Variants in LINC00237 observed in about 807,000 individuals in gnomAD.
LINC00237 encodes long independently transcribed non-coding RNA 237, also known as long intergenic non-protein coding RNA 237.
chr20:21,100,847 C>T (rs2236176), intron 1 of LINC00237, among the ~76,000 whole-genome samples: 45,558 of 151,972 alleles, frequency 0.3, 9,615 homozygotes, highest in East Asian at 0.65. Flanking sequence ...ATGTTTCTAA[C>T]AAGGAAAACC....
intron 2 of LINC00237, among the ~76,000 whole-genome samples, chr20:21,092,383 T>A (rs1416779491): frequency 1.3e-5 from 2 of 152,034 alleles, no homozygotes; most frequent in African/African-American, 4.8e-5. Context: ...TAACTAGGAG[T>A]CATCCAAAAG....
rs530309715 is a variant in LINC00237 at position 21,087,707 on chromosome 20, A to G, written n.559+237T>C. 5 of 152,296 alleles carry G rather than the reference A, an allele frequency of 3.3e-5. No homozygotes were observed. The East Asian group carries it at 9.6e-4, about 29-fold the overall frequency. 9.4% of individuals were successfully genotyped at this position (152,296 alleles called of 1,614,324 possible). On this transcript the variant is annotated intron_variant and non_coding_transcript_variant, in intron 3 of 3. Coordinates refer to ENST00000691244, the Ensembl canonical transcript of LINC00237. ...AAGCTGAACATATTTTCATGCCTTA[A>G]TTCTTAAATTACCATTTCTTAACAT...
chr20:21,096,487 T>G (rs1433553319), intron 1 of LINC00237, among the ~76,000 whole-genome samples: 3 of 152,134 alleles, frequency 2.0e-5, no homozygotes, highest in Non-Finnish European at 4.4e-5. Context: ...GGCTGGGAAA[T>G]GTAGTTCAGC....
At chr20:21,096,883 A>G (rs2030865006) in intron 1 of LINC00237, among the ~76,000 whole-genome samples, 1 of 152,220 alleles carries the variant, frequency 6.6e-6, no homozygotes, top group African/African-American at 2.4e-5. Flanking sequence ...CCTCACTGCT[A>G]GCCCATGTAG....
intron 1 of LINC00237, among the ~76,000 whole-genome samples, chr20:21,099,208 T>C (rs558938707): frequency 1.2e-4 from 18 of 152,128 alleles, no homozygotes; most frequent in Non-Finnish European, 2.4e-4. Flanking sequence ...AAGGTGAAGA[T>C]AGGAAGGACA....
chr20:21,086,349 C>T (rs553739899), intron 3 of LINC00237, among the ~76,000 whole-genome samples: 10 of 151,880 alleles, frequency 6.6e-5, no homozygotes, highest in African/African-American at 2.2e-4. Context: ...TCATTACAGA[C>T]AAGGCCAAAA....
intron 2 of LINC00237, among the ~76,000 whole-genome samples, chr20:21,092,254 G>A (rs1042252881): frequency 6.6e-6 from 1 of 152,168 alleles, no homozygotes; most frequent in Non-Finnish European, 1.5e-5. Flanking sequence ...ACTATTGCAC[G>A]AGAAGCTTGA....
chr20:21,098,926 G>A (rs6047247), intron 1 of LINC00237, among the ~76,000 whole-genome samples: 16 of 152,242 alleles, frequency 1.1e-4, no homozygotes, highest in African/African-American at 3.9e-4. Context: ...CTTTTTATCA[G>A]GAACAGGTTC....
chr20:21,088,301 A>G (rs1214105422), intron 2 of LINC00237, among the ~76,000 whole-genome samples: 1 of 152,200 alleles, frequency 6.6e-6, no homozygotes, highest in Non-Finnish European at 1.5e-5. Flanking sequence ...ACCTACGTCT[A>G]GAATTCTGGT....
At chr20:21,098,643 T>C (rs1312183250) in intron 1 of LINC00237, among the ~76,000 whole-genome samples, 7 of 152,230 alleles carry the variant, frequency 4.6e-5, no homozygotes, top group African/African-American at 1.7e-4. Flanking sequence ...CCTCAGAACT[T>C]CTAGGTAGTT....
Position 21,097,971 on chromosome 20 carries a change from A to G in LINC00237, n.89-4119T>C, listed in dbSNP as rs569787317. ...CTTTACTGACATAGTCAAAAATATA[A>G]TACAAGCTCCCTGCCTTCTTGTTTA... is the stretch of plus-strand genomic sequence containing the variant. On this transcript the variant is annotated intron_variant and non_coding_transcript_variant, in intron 1 of 3. Coordinates refer to ENST00000691244, the Ensembl canonical transcript of LINC00237. Among the ~76,000 whole-genome samples, 10 of 152,338 alleles carry G rather than the reference A, an allele frequency of 6.6e-5. No individual in the cohort carries two copies. In the South Asian group the frequency reaches 2.1e-3, roughly 32 times the overall value.
intron 1 of LINC00237, among the ~76,000 whole-genome samples, chr20:21,095,759 G>A (rs751920053): frequency 6.6e-6 from 1 of 152,172 alleles, no homozygotes; most frequent in Non-Finnish European, 1.5e-5. Flanking sequence ...CTACATCAGC[G>A]TGTACCAGCT....
chr20:21,088,416 C>G (rs2030743806), intron 2 of LINC00237, among the ~76,000 whole-genome samples: 1 of 152,198 alleles, frequency 6.6e-6, no homozygotes, highest in Admixed American at 6.5e-5. Flanking sequence ...CCAGGTAACA[C>G]TCTCCACACA....
chr20:21,102,761 A>G (rs1220608205), intron 1 of LINC00237, among the ~76,000 whole-genome samples: 7 of 151,962 alleles, frequency 4.6e-5, no homozygotes, highest in African/African-American at 1.7e-4. Context: ...GAGCGGAACA[A>G]TTGTCACTCA....
At chr20:21,098,932 G>C (rs1226790587) in intron 1 of LINC00237, among the ~76,000 whole-genome samples, 1 of 152,244 alleles carries the variant, frequency 6.6e-6, no homozygotes, top group African/African-American at 2.4e-5. Flanking sequence ...ATCAGGAACA[G>C]GTTCTGCTCT....
intron 1 of LINC00237, among the ~76,000 whole-genome samples, chr20:21,104,695 T>TC (rs1300667405): frequency 6.6e-5 from 10 of 152,326 alleles, no homozygotes; most frequent in African/African-American, 2.4e-4. Flanking sequence ...GGAATTGCAG[T>TC]CACAACCTAC....
intron 1 of LINC00237, among the ~76,000 whole-genome samples, chr20:21,104,689 T>C (rs995343819): frequency 2.0e-5 from 3 of 152,208 alleles, no homozygotes; most frequent in Non-Finnish European, 4.4e-5. Context: ...TATCCTGGAA[T>C]TGCAGTCACA....
intron 1 of LINC00237, among the ~76,000 whole-genome samples, chr20:21,105,092 T>C (rs111344960): frequency 0.043 from 6,561 of 152,306 alleles, 425 homozygotes; most frequent in African/African-American, 0.15. Context: ...CGCGCCGTTC[T>C]GGCGCTCTGC....
At chr20:21,088,760 CTG>C (rs1188583596) in intron 2 of LINC00237, among the ~76,000 whole-genome samples, 1 of 152,086 alleles carries the variant, frequency 6.6e-6, no homozygotes, top group Non-Finnish European at 1.5e-5. Context: ...CAGTTTCTAT[CTG>C]TTTCCCTTTT....
Sources: gnomAD v4.1 joint callset for allele counts (sites outside exome capture counted in the v4.1 genomes callset) on GRCh38, gnomAD v4.1.1 for gene constraint, MANE v1.5 for transcripts, NCBI Gene and HGNC (gene_info 2026-07-23, HGNC 2026-07-21) for gene names.